Variants in FANCC observed in about 807,000 individuals in gnomAD.
The protein encoded by FANCC is Fanconi anemia group C protein.
A neutral mutation model predicts 71.3 loss-of-function variants in FANCC; 55 were observed. The observed-to-expected ratio is 0.77, with a 90% CI of 0.62 to 0.97. The LOEUF (loss-of-function observed/expected upper bound fraction) is 0.97, where lower values mean the gene tolerates loss of function less well. Among genes scored for constraint, FANCC ranks in the 50% least tolerant of loss-of-function variants. The pLI, the probability that FANCC is intolerant of heterozygous loss-of-function variation, is 0.00. For missense variants in FANCC, 678 were observed against 670.9 expected, an observed-to-expected ratio of 1.01 and a Z score of -0.12; for synonymous variants, 275 against 244.9, an observed-to-expected ratio of 1.12 and a Z score of -1.15.
At chr9:95,256,721 C>G (rs1409029915) in intron 1 of FANCC, among the ~76,000 whole-genome samples, 1 of 152,036 alleles carries the variant, frequency 6.6e-6, no homozygotes, top group Non-Finnish European at 1.5e-5. Context: ...CTAAATGCCC[C>G]AATTAAAGGA....
At chr9:95,294,894 T>C in intron 1 of FANCC, 2 of 1,259,178 alleles carry the variant, frequency 1.6e-6, no homozygotes, top group Admixed American at 5.1e-5. Context: ...CAGTATTAAT[T>C]CGATTGAATG....
intron 10 of FANCC, among the ~76,000 whole-genome samples, chr9:95,120,063 T>A (rs1262312569): frequency 6.6e-6 from 1 of 152,168 alleles, no homozygotes; most frequent in Non-Finnish European, 1.5e-5. Flanking sequence ...TTCCTATGGT[T>A]AGTGCTTCTG....
intron 11 of FANCC, 132 bp from the exon 12 acceptor site, chr9:95,114,842 T>C: frequency 1.3e-6 from 1 of 760,780 alleles, no homozygotes; most frequent in East Asian, 2.6e-5. Flanking sequence ...CCAATACTGT[T>C]CTCATGCTTT....
intron 6 of FANCC, among the ~76,000 whole-genome samples, chr9:95,164,729 C>T (rs886606577): frequency 1.3e-5 from 2 of 152,038 alleles, no homozygotes; most frequent in Non-Finnish European, 1.5e-5. Context: ...TCATGATTCA[C>T]GAAGGATATT....
At chr9:95,291,840 C>T (rs995217199) in intron 1 of FANCC, among the ~76,000 whole-genome samples, 1 of 148,986 alleles carries the variant, frequency 6.7e-6, no homozygotes, top group Non-Finnish European at 1.5e-5. Context: ...CCCGGTTACT[C>T]GGGAGGCTGA....
At chr9:95,266,443 C>T (rs1738684085) in intron 1 of FANCC, among the ~76,000 whole-genome samples, 2 of 152,334 alleles carry the variant, frequency 1.3e-5, no homozygotes, top group Non-Finnish European at 1.5e-5. Flanking sequence ...TTAATTCACG[C>T]ATCACTTTCC....
At chr9:95,240,130 A>G (rs1008854124) in intron 4 of FANCC, among the ~76,000 whole-genome samples, 3 of 152,158 alleles carry the variant, frequency 2.0e-5, no homozygotes, top group African/African-American at 4.8e-5. Flanking sequence ...AGCCAACTGG[A>G]AAGTGTGAGT....
rs145394391 is a variant in FANCC at position 95,171,078 on chromosome 9, C to T, written c.521+1G>A. On this transcript the variant is annotated splice_donor_variant, in intron 6 of 14. Transcript: ENST00000289081. LOFTEE classifies it high-confidence loss of function. ...AGAAGGATGTTTAGTTTAACACCTA[C>T]CGCCTTTGAGTGTTAAATCCATTAA... The T allele has an allele frequency of 6.8e-6, 11 of 1,609,606 alleles. No individual in the cohort carries two copies. In the African/African-American group the frequency reaches 1.5e-4, roughly 22 times the overall value.
chr9:95,199,463 C>T (rs969830682), intron 4 of FANCC, among the ~76,000 whole-genome samples: 7 of 152,100 alleles, frequency 4.6e-5, no homozygotes, highest in African/African-American at 1.2e-4. Flanking sequence ...ATTGCTCTTC[C>T]GGTGTCAGCT....
chr9:95,292,951 A>G, intron 1 of FANCC: 1 of 1,579,446 alleles, frequency 6.3e-7, no homozygotes, highest in Non-Finnish European at 8.7e-7. Context: ...AAAGCATTGC[A>G]GTCTCACATC....
intron 7 of FANCC, among the ~76,000 whole-genome samples, chr9:95,146,991 T>C (rs1352136046): frequency 6.6e-6 from 1 of 151,046 alleles, no homozygotes; most frequent in Admixed American, 6.6e-5. Flanking sequence ...AAATTTTATC[T>C]AAGTTATTTT....
At chr9:95,280,554 G>C (rs1324733471) in intron 1 of FANCC, among the ~76,000 whole-genome samples, 2 of 152,102 alleles carry the variant, frequency 1.3e-5, no homozygotes, top group African/African-American at 4.8e-5. Context: ...AAGAACATTA[G>C]TAATATAACA....
intron 4 of FANCC, among the ~76,000 whole-genome samples, chr9:95,231,834 T>C (rs1002527324): frequency 6.6e-6 from 1 of 152,214 alleles, no homozygotes; most frequent in Non-Finnish European, 1.5e-5. Flanking sequence ...CACTCTCTCT[T>C]TTGCCAAGAT....
At chr9:95,182,882 G>C (rs1564731087) in intron 4 of FANCC, among the ~76,000 whole-genome samples, 1 of 152,034 alleles carries the variant, frequency 6.6e-6, no homozygotes, top group Non-Finnish European at 1.5e-5. Context: ...GATGTCGCTG[G>C]GACAGGGGAA....
intron 2 of FANCC, 31 bp downstream of exon 2, chr9:95,249,096 A>C: frequency 6.2e-7 from 1 of 1,611,442 alleles, no homozygotes; most frequent in South Asian, 1.1e-5. Context: ...GAAGTCAGAA[A>C]ATAATTTCAT....
Position 95,280,459 on chromosome 9 carries a change from T to C in FANCC, c.-78-31090A>G, listed in dbSNP as rs1214934899. On this transcript the variant is annotated intron_variant, in intron 1 of 14. Transcript: ENST00000289081. The stretch of plus-strand genomic sequence containing the variant: ...TACATCTATAGAATTCTCCACCCAA[T>C]AGTATATACATTTTTCTTAAGATCA... 2.0e-5 allele frequency among the ~76,000 whole-genome samples: 3 copies of C among 152,308 alleles called. No individual in the cohort carries two copies. In the East Asian group the frequency reaches 5.8e-4, roughly 29 times the overall value.
intron 1 of FANCC, among the ~76,000 whole-genome samples, chr9:95,314,663 CA>C (rs1434946013): frequency 6.6e-6 from 1 of 150,950 alleles, no homozygotes; most frequent in African/African-American, 2.4e-5. Flanking sequence ...AAAAAAAAAA[CA>C]AAAAACTTGC....
chr9:95,185,652 A>C (rs10993485), intron 4 of FANCC, among the ~76,000 whole-genome samples: 2 of 152,240 alleles, frequency 1.3e-5, no homozygotes, highest in African/African-American at 4.8e-5. Context: ...ACAGATCTGC[A>C]ATTACCATAG....
rs184841538 is a variant in FANCC at position 95,276,788 on chromosome 9, G to A, written c.-78-27419C>T. On this transcript the variant is annotated intron_variant, in intron 1 of 14. Coordinates refer to ENST00000289081, the MANE Select transcript of FANCC (RefSeq NM_000136.3). ...AGTTAGACAGGAGGAAAGAGTTCTT[G>A]TATTCTATTGTACAGTAGGTTGACT... Among the ~76,000 whole-genome samples the A allele has an allele frequency of 2.4e-3, 372 of 152,328 alleles. 1 individual carries two copies. The highest frequency in any genetic ancestry group is 4.9e-3 in the Admixed American group (75 of 15,294).
Sources: allele counts gnomAD v4.1 joint callset (sites outside exome capture counted in the v4.1 genomes callset), GRCh38; gene constraint gnomAD v4.1.1; transcripts MANE v1.5; gene names NCBI Gene and HGNC (gene_info 2026-07-23, HGNC 2026-07-21).